Variants in RTN4 observed in about 807,000 individuals in gnomAD.
RTN4 encodes reticulon 4, also known as reticulon-4.
In RTN4, 32 loss-of-function variants were observed where a neutral mutation model predicts 90.4. The ratio of observed to expected loss-of-function variants is 0.35; its 90% confidence interval spans 0.27 to 0.48. The LOEUF is 0.48. Among genes scored for constraint, RTN4 ranks in the 20% least tolerant of loss-of-function variants. The probability of loss-of-function intolerance (pLI) is 0.99; values close to 1 mark genes in which losing one functional copy is unlikely to be tolerated. For synonymous variants in RTN4, 629 were observed against 552.5 expected (o/e 1.14, Z -1.94); for missense variants, 1,706 against 1,430.2 (o/e 1.19, Z -3.11).
intron 3 of RTN4, among the ~76,000 whole-genome samples, chr2:54,993,599 A>G (rs1276780160): frequency 1.3e-5 from 2 of 152,192 alleles, no homozygotes; most frequent in African/African-American, 4.8e-5. Flanking sequence ...ATAAATGGAA[A>G]AGCTCTGAAA....
chr2:55,065,902 A>C (rs1461897771), intron 2 of RTN4, among the ~76,000 whole-genome samples: 1 of 152,228 alleles, frequency 6.6e-6, no homozygotes, highest in African/African-American at 2.4e-5. Flanking sequence ...TGGTGGTTAC[A>C]CAGTTATACA....
intron 3 of RTN4, chr2:55,010,315 G>C (rs995828926): frequency 2.2e-6 from 3 of 1,394,988 alleles, no homozygotes; most frequent in African/African-American, 2.9e-5. Flanking sequence ...GTCTGACGCA[G>C]TGCAATCTGT....
chr2:55,049,657 G>A (rs1573478218), intron 1 of RTN4, 88 bp downstream of exon 1: 1 of 1,529,888 alleles, frequency 6.5e-7, no homozygotes. Flanking sequence ...GGGGCGGAGA[G>A]GAGGGACCAG....
At chr2:55,131,722 A>G in the RTN4 span, among the ~76,000 whole-genome samples, 1 of 151,908 alleles carries the variant, frequency 6.6e-6, no homozygotes, top group Non-Finnish European at 1.5e-5. Flanking sequence ...TGTCTCTACT[A>G]AAAATACAAA....
chr2:55,045,177 A>G (rs778099362), intron 1 of RTN4, among the ~76,000 whole-genome samples: 6 of 152,230 alleles, frequency 3.9e-5, no homozygotes, highest in African/African-American at 1.2e-4. Flanking sequence ...ATCTGTATTT[A>G]TGAGCAATAT....
intron 3 of RTN4, among the ~76,000 whole-genome samples, chr2:54,993,664 G>C (rs570754221): frequency 6.6e-6 from 1 of 152,294 alleles, no homozygotes; most frequent in Non-Finnish European, 1.5e-5. Context: ...AGCTACATGA[G>C]AGTAGCTCAA....
intron 3 of RTN4, chr2:55,010,170 A>G: frequency 6.2e-7 from 1 of 1,611,368 alleles, no homozygotes; most frequent in Non-Finnish European, 8.5e-7. Flanking sequence ...ATGCATACCA[A>G]CAGAAAAGCT....
intron 2 of RTN4, among the ~76,000 whole-genome samples, chr2:55,065,455 A>G (rs1201376960): frequency 6.6e-6 from 1 of 152,200 alleles, no homozygotes; most frequent in African/African-American, 2.4e-5. Flanking sequence ...ATGGATATCC[A>G]CCAAAAGACA....
intron 1 of RTN4, among the ~76,000 whole-genome samples, chr2:55,087,405 A>G (rs988312666): frequency 6.6e-6 from 1 of 152,204 alleles, no homozygotes; most frequent in Non-Finnish European, 1.5e-5. Context: ...TACTTTTACA[A>G]CATATGGATA....
At position 55,067,412 on chromosome 2, in the gene RTN4, A is replaced by AT. The variant is rs10719347; in HGVS notation, c.-63+13076dup. Among the ~76,000 whole-genome samples, 789 of 141,330 alleles carry AT rather than the reference A, an allele frequency of 5.6e-3. 4 individuals carry two copies. The highest frequency in any genetic ancestry group is 0.044 in the Middle Eastern group (12 of 274). 92.7% of individuals were successfully genotyped at this position (141,330 alleles called of 152,430 possible). A position where few individuals can be genotyped will look rare whatever the true frequency, so the allele number is the denominator to read the frequency against. On this transcript the variant is annotated intron_variant, in intron 2 of 3. Transcript: ENST00000427710. ...TCAACTTTGCAGTAACCATATTGCA[A>AT]TTTTTTTTTTTTTTTTTTAAGATAG...
chr2:54,977,246 T>C (rs1677711381), intron 5 of RTN4, among the ~76,000 whole-genome samples: 2 of 152,236 alleles, frequency 1.3e-5, no homozygotes, highest in Non-Finnish European at 2.9e-5. Flanking sequence ...GTTGGTAGTT[T>C]GGACTCTCTC....
At chr2:55,133,178 T>C in the RTN4 span, among the ~76,000 whole-genome samples, 1 of 152,256 alleles carries the variant, frequency 6.6e-6, no homozygotes, top group East Asian at 1.9e-4. Flanking sequence ...GCCACAGCAC[T>C]ACAACCTGGG....
At chr2:55,037,908 C>T (rs1327116494) in intron 1 of RTN4, among the ~76,000 whole-genome samples, 1 of 152,046 alleles carries the variant, frequency 6.6e-6, no homozygotes, top group South Asian at 2.1e-4. Context: ...TATAAAACTA[C>T]AATAATCAAG....
chr2:55,135,575 T>G, the RTN4 span, among the ~76,000 whole-genome samples: 1 of 152,236 alleles, frequency 6.6e-6, no homozygotes, highest in Non-Finnish European at 1.5e-5. Context: ...TTCTGCTTCT[T>G]TTTTTACACT....
chr2:55,108,013 G>A lies in RTN4; in HGVS notation c.-214+4507C>T, dbSNP rs142155812. Reference sequence around the variant, plus strand: ...TGTATATAGCCCAGGCTGGAGTGCAGTGGCACATCTCAGCTCACTGCAACC... The same window carrying A: ...TGTATATAGCCCAGGCTGGAGTGCAATGGCACATCTCAGCTCACTGCAACC... On this transcript the variant is annotated intron_variant, in intron 1 of 3. Coordinates refer to the RTN4 transcript ENST00000427710. Among the ~76,000 whole-genome samples, 489 of 152,014 alleles carry A rather than the reference G, an allele frequency of 3.2e-3. 7 individuals are homozygous for A. The highest frequency in any genetic ancestry group is 0.012 in the African/African-American group (483 of 41,402).
At chr2:55,029,824 A>G (rs1682172887) in intron 1 of RTN4, among the ~76,000 whole-genome samples, 1 of 152,244 alleles carries the variant, frequency 6.6e-6, no homozygotes, top group Non-Finnish European at 1.5e-5. Flanking sequence ...ATAATGGCTT[A>G]TAAGATTTTT....
At chr2:55,115,396 T>A (rs1425273392), upstream of RTN4, among the ~76,000 whole-genome samples, 1 of 152,216 alleles carries the variant, frequency 6.6e-6, no homozygotes, top group East Asian at 1.9e-4. Flanking sequence ...TGAAACTGAC[T>A]CTCCTGCTTC....
At chr2:55,065,536 A>G (rs1247196253) in intron 2 of RTN4, among the ~76,000 whole-genome samples, 2 of 152,202 alleles carry the variant, frequency 1.3e-5, no homozygotes, top group African/African-American at 4.8e-5. Context: ...TTTTTCATCA[A>G]GAGTAGAATG....
At chr2:55,068,828 T>A (rs1048482309) in intron 2 of RTN4, among the ~76,000 whole-genome samples, 1 of 152,232 alleles carries the variant, frequency 6.6e-6, no homozygotes, top group Non-Finnish European at 1.5e-5. Context: ...AAATGGGCAC[T>A]CAAGGGTCAA....
Sources: gnomAD v4.1 joint callset for allele counts (sites outside exome capture counted in the v4.1 genomes callset) on GRCh38, gnomAD v4.1.1 for gene constraint, MANE v1.5 for transcripts, NCBI Gene and HGNC (gene_info 2026-07-23, HGNC 2026-07-21) for gene names.